Variants in DYRK1A observed in about 807,000 individuals in gnomAD.
DYRK1A encodes the protein dual specificity tyrosine phosphorylation regulated kinase 1A.
Under a neutral mutation model 79.7 loss-of-function variants are expected in DYRK1A, and 9 were observed. That is an observed-to-expected ratio of 0.11 (90% CI 0.07 to 0.20). DYRK1A has a LOEUF of 0.20. Among genes scored for constraint, DYRK1A ranks in the 10% least tolerant of loss-of-function variants. DYRK1A has a pLI of 1.00. For missense variants in DYRK1A, 622 were observed against 956.0 expected, an observed-to-expected ratio of 0.65 and a Z score of 4.61; for synonymous variants, 349 against 329.7, an observed-to-expected ratio of 1.06 and a Z score of -0.63.
intron 9 of DYRK1A, among the ~76,000 whole-genome samples, chr21:37,498,513 T>C (rs2053343123): frequency 6.6e-6 from 1 of 152,242 alleles, no homozygotes; most frequent in African/African-American, 2.4e-5. Flanking sequence ...ATCATCAATA[T>C]TGTATGTCTC....
At chr21:37,506,292 G>A (rs898704853) in intron 11 of DYRK1A, 69 bp downstream of exon 11, 34 of 1,612,748 alleles carry the variant, frequency 2.1e-5, no homozygotes, top group Non-Finnish European at 2.8e-5. Context: ...CTGGATGCCA[G>A]GTGCCTTTAG....
chr21:37,383,159 C>T (rs1602373054), intron 1 of DYRK1A, among the ~76,000 whole-genome samples: 1 of 152,274 alleles, frequency 6.6e-6, no homozygotes, highest in East Asian at 1.9e-4. Flanking sequence ...CAGAGGCAGG[C>T]GGTATGTAGA....
At chr21:37,414,215 A>C (rs974006472) in intron 1 of DYRK1A, among the ~76,000 whole-genome samples, 5 of 151,812 alleles carry the variant, frequency 3.3e-5, no homozygotes, top group African/African-American at 9.7e-5. Context: ...AAGACTGAGA[A>C]TACAGAAAGG....
At chr21:37,479,600 GTTTTTGTTTTTGTTTTTTGT>G (rs1483941521) in intron 4 of DYRK1A, among the ~76,000 whole-genome samples, 1 of 22,794 alleles carries the variant, frequency 4.4e-5, no homozygotes, top group African/African-American at 2.9e-4. Context: ...TTTTGTTTTT[GTTTTTGTTTTTGTTTTTTGT>G]TTTTTTTTTT....
chr21:37,443,479 C>T (rs947787782), intron 2 of DYRK1A, among the ~76,000 whole-genome samples: 1 of 152,076 alleles, frequency 6.6e-6, no homozygotes. Context: ...TGTCGGGTGC[C>T]GAGTATTTTT....
chr21:37,439,676 C>T (rs987040890), intron 2 of DYRK1A, among the ~76,000 whole-genome samples: 8 of 152,158 alleles, frequency 5.3e-5, no homozygotes, highest in African/African-American at 1.9e-4. Flanking sequence ...GAAACCATAT[C>T]TCCCCCCATG....
At chr21:37,378,552 A>AT (rs1348426280) in intron 1 of DYRK1A, among the ~76,000 whole-genome samples, 1 of 152,218 alleles carries the variant, frequency 6.6e-6, no homozygotes, top group Admixed American at 6.5e-5. Context: ...AAACAAAAGT[A>AT]TTTTTTGGGT....
At chr21:37,408,549 G>A (rs1398471933) in intron 1 of DYRK1A, among the ~76,000 whole-genome samples, 1 of 152,280 alleles carries the variant, frequency 6.6e-6, no homozygotes, top group East Asian at 1.9e-4. Flanking sequence ...TGATTAAACT[G>A]TAGAGTTTAT....
chr21:37,434,772 G>A (rs982681004), intron 2 of DYRK1A, among the ~76,000 whole-genome samples: 7 of 152,128 alleles, frequency 4.6e-5, no homozygotes, highest in African/African-American at 1.7e-4. Context: ...CTCCACCTGG[G>A]AATACTTGAG....
chr21:37,433,291 G>A (rs1396904295), intron 2 of DYRK1A, among the ~76,000 whole-genome samples: 3 of 152,038 alleles, frequency 2.0e-5, no homozygotes, highest in Admixed American at 1.3e-4. Flanking sequence ...AAGGAAAGTA[G>A]GAGTGCCAAG....
chr21:37,467,379 G>A (rs951187465), intron 2 of DYRK1A, among the ~76,000 whole-genome samples: 1 of 152,122 alleles, frequency 6.6e-6, no homozygotes, highest in Admixed American at 6.5e-5. Flanking sequence ...ATAGGCATGT[G>A]CCACCACACC....
At chr21:37,485,296 C>CG (rs2052816498) in intron 5 of DYRK1A, among the ~76,000 whole-genome samples, 1 of 152,140 alleles carries the variant, frequency 6.6e-6, no homozygotes. Context: ...GCAGTCAGTA[C>CG]ATCCAGTGAA....
chr21:37,416,690 T>C (rs2050349175), intron 1 of DYRK1A, among the ~76,000 whole-genome samples: 2 of 152,138 alleles, frequency 1.3e-5, no homozygotes, highest in Non-Finnish European at 2.9e-5. Flanking sequence ...AAGTTTAATT[T>C]ATGTAATCTA....
At chr21:37,477,125 T>A (rs1347076479) in intron 3 of DYRK1A, among the ~76,000 whole-genome samples, 1 of 152,172 alleles carries the variant, frequency 6.6e-6, no homozygotes, top group South Asian at 2.1e-4. Context: ...AGGTTAACAA[T>A]TATACCATGA....
chr21:37,482,430 G>A (rs1277440345), intron 5 of DYRK1A, among the ~76,000 whole-genome samples: 4 of 152,150 alleles, frequency 2.6e-5, no homozygotes, highest in Non-Finnish European at 5.9e-5. Context: ...AAACCAGCAA[G>A]TTTTTATTAG....
intron 4 of DYRK1A, among the ~76,000 whole-genome samples, chr21:37,479,589 G>GTTTTTTTTTTT (rs1569361929): frequency 6.7e-5 from 5 of 74,382 alleles, no homozygotes; most frequent in Admixed American, 1.8e-4. Flanking sequence ...CAGTGTTGGT[G>GTTTTTTTTTTT]TTTTGTTTTT....
At chr21:37,384,405 A>G (rs1388975249) in intron 1 of DYRK1A, among the ~76,000 whole-genome samples, 1 of 152,220 alleles carries the variant, frequency 6.6e-6, no homozygotes, top group Non-Finnish European at 1.5e-5. Flanking sequence ...GTGGAAATGC[A>G]GGATTCATTG....
intron 2 of DYRK1A, among the ~76,000 whole-genome samples, chr21:37,447,634 C>T (rs2051316097): frequency 6.6e-6 from 1 of 152,080 alleles, no homozygotes; most frequent in South Asian, 2.1e-4. Flanking sequence ...GCTTGCTGAC[C>T]CCTGCTCAGG....
At chr21:37,479,474 T>A (rs1376506021) in intron 4 of DYRK1A, among the ~76,000 whole-genome samples, 1 of 151,712 alleles carries the variant, frequency 6.6e-6, no homozygotes, top group Non-Finnish European at 1.5e-5. Flanking sequence ...TTTTCTGATG[T>A]TATTCCATGC....
Sources: allele counts gnomAD v4.1 joint callset (sites outside exome capture counted in the v4.1 genomes callset), GRCh38; gene constraint gnomAD v4.1.1; transcripts MANE v1.5; gene names NCBI Gene and HGNC (gene_info 2026-07-23, HGNC 2026-07-21).